Variants in TRABD2B observed in about 807,000 individuals in gnomAD.
TRABD2B encodes the protein TraB domain containing 2B.
Under a neutral mutation model 40.1 loss-of-function variants are expected in TRABD2B, and 14 were observed. That is an observed-to-expected ratio of 0.35 (90% CI 0.23 to 0.55). The LOEUF (loss-of-function observed/expected upper bound fraction) is 0.55. Among genes scored for constraint, TRABD2B ranks in the 20% least tolerant of loss-of-function variants. The pLI is 0.90. For missense variants in TRABD2B, 541 were observed against 648.6 expected (o/e 0.83, Z 1.80); for synonymous variants, 263 against 277.0 (o/e 0.95, Z 0.50).
At chr1:47,776,537 T>C (rs968836231) in intron 5 of TRABD2B, among the ~76,000 whole-genome samples, 1 of 152,212 alleles carries the variant, frequency 6.6e-6, no homozygotes, top group African/African-American at 2.4e-5. Context: ...GTGGAATTCA[T>C]GTTTTATACA....
chr1:47,838,488 G>C (rs1395848691), intron 2 of TRABD2B, among the ~76,000 whole-genome samples: 4 of 152,190 alleles, frequency 2.6e-5, no homozygotes, highest in African/African-American at 9.7e-5. Context: ...TCTGTCTGCA[G>C]CTTGCTGGCT....
chr1:47,930,380 T>C (rs993193735), intron 2 of TRABD2B, among the ~76,000 whole-genome samples: 5 of 152,190 alleles, frequency 3.3e-5, no homozygotes, highest in Non-Finnish European at 7.4e-5. Flanking sequence ...TCTGGATCCC[T>C]GAGGATAGCG....
At chr1:47,946,271 T>C (rs1424121588) in intron 2 of TRABD2B, among the ~76,000 whole-genome samples, 1 of 152,228 alleles carries the variant, frequency 6.6e-6, no homozygotes, top group Non-Finnish European at 1.5e-5. Flanking sequence ...GCATTCTTTA[T>C]ATATTCTAAA....
At chr1:47,935,636 T>C (rs149481086) in intron 2 of TRABD2B, among the ~76,000 whole-genome samples, 3 of 152,212 alleles carry the variant, frequency 2.0e-5, no homozygotes, top group Admixed American at 6.5e-5. Context: ...GCAAGTAAGA[T>C]AGGACTGCAG....
At chr1:47,988,829 A>G (rs1570424211) in intron 2 of TRABD2B, among the ~76,000 whole-genome samples, 1 of 152,358 alleles carries the variant, frequency 6.6e-6, no homozygotes, top group East Asian at 1.9e-4. Flanking sequence ...GGGCTGGCCC[A>G]AAGTCACAGG....
At chr1:47,779,486 C>G (rs1340395996) in intron 4 of TRABD2B, among the ~76,000 whole-genome samples, 1 of 152,186 alleles carries the variant, frequency 6.6e-6, no homozygotes, top group Non-Finnish European at 1.5e-5. Flanking sequence ...TTGAAAGCCC[C>G]ATTTGGGAGT....
chr1:47,936,047 G>A (rs548942541), intron 2 of TRABD2B, among the ~76,000 whole-genome samples: 1 of 152,282 alleles, frequency 6.6e-6, no homozygotes, highest in East Asian at 1.9e-4. Context: ...AAGAACATAT[G>A]GGAAAGCACC....
Position 47,794,576 on chromosome 1 carries a change from T to C in TRABD2B, c.988+10A>G. 1 of 1,514,152 alleles carries C rather than the reference T, an allele frequency of 6.6e-7. No individual in the cohort carries two copies. The highest frequency in any genetic ancestry group is 8.8e-7 in the Non-Finnish European group (1 of 1,131,836). 93.8% of individuals were successfully genotyped at this position (1,514,152 alleles called of 1,614,324 possible). On this transcript the variant is annotated intron_variant, in intron 4 of 6. Coordinates refer to ENST00000606738, the MANE Select transcript of TRABD2B (RefSeq NM_001194986.2). Reference sequence around the variant, plus strand: ...TCTGCAAACAATCCCTTCCCCACACTGGCCCAAACCTGCTCCGAAGGCAAA... The same window carrying C: ...TCTGCAAACAATCCCTTCCCCACACCGGCCCAAACCTGCTCCGAAGGCAAA...
chr1:47,997,049 G>A lies in TRABD2B; in HGVS notation c.-260C>T. On this transcript the variant is annotated 5_prime_UTR_variant, in exon 1 of 7. Coordinates refer to ENST00000606738, the MANE Select transcript of TRABD2B (RefSeq NM_001194986.2). ...CTCAACCTCGCTGGCCGAGCCCCCGGGTGCTGAGGGCGTGTTGGGGTCCGG... is the reference window on the plus strand; with the variant it reads ...CTCAACCTCGCTGGCCGAGCCCCCGAGTGCTGAGGGCGTGTTGGGGTCCGG... 1 of 984,850 alleles carries A rather than the reference G, an allele frequency of 1.0e-6. No homozygotes were observed. Among genetic ancestry groups the A allele is most frequent in the South Asian group, 4.7e-5 (1 of 21,258 alleles). 61.0% of individuals were successfully genotyped at this position (984,850 alleles called of 1,614,324 possible). A position where few individuals can be genotyped will look rare whatever the true frequency, so the allele number is the denominator to read the frequency against.
intron 2 of TRABD2B, among the ~76,000 whole-genome samples, chr1:47,871,064 C>G (rs1365241536): frequency 6.6e-6 from 1 of 152,160 alleles, no homozygotes; most frequent in Admixed American, 6.5e-5. Context: ...ATATGCCAGA[C>G]TATTCTAAGT....
At chr1:47,888,477 C>T (rs1394970687) in intron 2 of TRABD2B, among the ~76,000 whole-genome samples, 2 of 152,156 alleles carry the variant, frequency 1.3e-5, no homozygotes, top group African/African-American at 4.8e-5. Context: ...AGAGGAGGAG[C>T]CTGTGGTCCT....
In TRABD2B at chr1:47,782,357, A is replaced by G. The variant is rs142747538; in HGVS notation, c.989-3813T>C. Among the ~76,000 whole-genome samples the G allele has an allele frequency of 8.6e-3, 1,311 of 152,240 alleles. 8 individuals are homozygous for G. Among genetic ancestry groups the G allele is most frequent in the Middle Eastern group, 0.034 (10 of 294 alleles). ...GTCACCATCACCTTCTGCCTGAATC[A>G]CTGCAGAAACTGCTCTCCTTGCTCT... On this transcript the variant is annotated intron_variant, in intron 4 of 6. Coordinates refer to ENST00000606738, the MANE Select transcript of TRABD2B (RefSeq NM_001194986.2).
intron 2 of TRABD2B, among the ~76,000 whole-genome samples, chr1:47,803,495 T>G (rs1168836543): frequency 6.6e-6 from 1 of 152,048 alleles, no homozygotes; most frequent in African/African-American, 2.4e-5. Flanking sequence ...CCACCAAGAA[T>G]AGCCAACAGC....
At position 47,850,775 on chromosome 1, in the gene TRABD2B, T is replaced by C. The variant is rs554402646; in HGVS notation, c.667-49156A>G. Among the ~76,000 whole-genome samples, 170 of 152,338 alleles carry C rather than the reference T, an allele frequency of 1.1e-3. 1 individual carries two copies. Among genetic ancestry groups the C allele is most frequent in the African/African-American group, 3.9e-3 (164 of 41,586 alleles). On this transcript the variant is annotated intron_variant, in intron 2 of 6. Coordinates refer to ENST00000606738, the MANE Select transcript of TRABD2B (RefSeq NM_001194986.2). ...TCTCCGCCTCCTCTGGCTCATGTCT[T>C]CTATATCAGTGGTCCCCAACCTTTT...
intron 2 of TRABD2B, among the ~76,000 whole-genome samples, chr1:47,932,160 G>A (rs2883038): frequency 6.6e-6 from 1 of 152,174 alleles, no homozygotes; most frequent in Non-Finnish European, 1.5e-5. Flanking sequence ...CTAGTCTAGA[G>A]CTTTAGGGTA....
intron 2 of TRABD2B, among the ~76,000 whole-genome samples, chr1:47,977,618 CA>C (rs1472578160): frequency 6.7e-6 from 1 of 150,142 alleles, no homozygotes; most frequent in Non-Finnish European, 1.5e-5. Context: ...ATCAGAACCC[CA>C]AATCTCTGAC....
At chr1:47,985,029 A>C (rs1189475954) in intron 2 of TRABD2B, among the ~76,000 whole-genome samples, 2 of 152,252 alleles carry the variant, frequency 1.3e-5, no homozygotes, top group African/African-American at 4.8e-5. Flanking sequence ...GTATGTACTG[A>C]GCATTTGTGT....
chr1:47,817,128 C>T (rs1427244270), intron 2 of TRABD2B, among the ~76,000 whole-genome samples: 1 of 152,096 alleles, frequency 6.6e-6, no homozygotes, highest in Non-Finnish European at 1.5e-5. Context: ...GGAGGAGTGG[C>T]TGGTGTGCCA....
At chr1:47,773,099 G>C (rs1644397660) in intron 6 of TRABD2B, among the ~76,000 whole-genome samples, 1 of 152,218 alleles carries the variant, frequency 6.6e-6, no homozygotes, top group African/African-American at 2.4e-5. Context: ...GGAGCTGACA[G>C]CCCAGCTTCC....
Sources: gnomAD v4.1 joint callset for allele counts (sites outside exome capture counted in the v4.1 genomes callset) on GRCh38, gnomAD v4.1.1 for gene constraint, MANE v1.5 for transcripts, NCBI Gene and HGNC (gene_info 2026-07-23, HGNC 2026-07-21) for gene names.